The following SAP130 variants were observed in gnomAD, a reference collection of about 807,000 sequenced individuals.
SAP130 encodes Sin3A associated protein 130, also known as histone deacetylase complex subunit SAP130.
SAP130 carries 16 observed loss-of-function variants against 103.2 expected under a neutral mutation model. The ratio of observed to expected loss-of-function variants is 0.16; its 90% CI spans 0.10 to 0.24. The LOEUF (loss-of-function observed/expected upper bound fraction) is 0.24. Among genes scored for constraint, SAP130 ranks in the 10% least tolerant of loss-of-function variants. The probability of loss-of-function intolerance (pLI) is 1.00; values close to 1 mark genes in which losing one functional copy is unlikely to be tolerated. For missense variants in SAP130, 990 were observed against 1,359.7 expected, an observed-to-expected ratio of 0.73 and a Z score of 4.28; for synonymous variants, 477 against 497.0, an observed-to-expected ratio of 0.96 and a Z score of 0.53.
intron 4 of SAP130, among the ~76,000 whole-genome samples, 165 bp from the exon 5 acceptor site, chr2:128,015,079 C>T (rs548117074): frequency 1.9e-4 from 29 of 152,096 alleles, no homozygotes; most frequent in Non-Finnish European, 4.0e-4. Flanking sequence ...CATGCCATAC[C>T]GTACAATGAA....
chr2:127,971,773 T>G (rs1284979603), intron 15 of SAP130, among the ~76,000 whole-genome samples: 1 of 152,134 alleles, frequency 6.6e-6, no homozygotes, highest in Non-Finnish European at 1.5e-5. Flanking sequence ...TTCATAGAGG[T>G]GGTTATTTTG....
Position 128,010,272 on chromosome 2 carries a change from A to G in SAP130, c.866T>C (p.Leu289Pro), listed in dbSNP as rs1684291688. 3.1e-6 allele frequency: 5 copies of G among 1,613,760 alleles called. No individual in the cohort carries two copies. The East Asian group carries it at 8.9e-5, about 29-fold the overall frequency. The stretch of plus-strand genomic sequence containing the variant: ...ACTTCATACTCCCCATGTATACCTA[A>G]GTGCTGAATCAGTAGCATGCGCCGC... ...TTAAHATDSA[L>P]SRPTLSIQHP... The change falls in exon 7 of 21, where the codon CTT becomes CCT. Residue 289 changes from leucine (L) to proline (P), a missense_variant. Physicochemically the swap from Leu to Pro is moderately conservative, Grantham distance 98. Transcript: ENST00000643581.
At position 127,992,702 on chromosome 2, in the gene SAP130, G is replaced by A. The variant is rs149546112; in HGVS notation, c.1477+485C>T. Reference sequence around the variant, plus strand: ...TTAGCAAAAAGAACACTATTCACACGTCATCATGATGAGAGGAGAGCATAA... The same window carrying A: ...TTAGCAAAAAGAACACTATTCACACATCATCATGATGAGAGGAGAGCATAA... On this transcript the variant is annotated intron_variant, in intron 12 of 20. Transcript: ENST00000643581. Among the ~76,000 whole-genome samples, 1,250 of 152,250 alleles carry A rather than the reference G, an allele frequency of 8.2e-3. 14 individuals carry two copies. The highest frequency in any genetic ancestry group is 0.037 in the Middle Eastern group (11 of 294).
intron 2 of SAP130, among the ~76,000 whole-genome samples, chr2:128,024,197 C>T (rs1025254273): frequency 3.3e-5 from 5 of 152,002 alleles, no homozygotes; most frequent in African/African-American, 9.7e-5. Context: ...ACTAAGTTGG[C>T]GGCCACCCAA....
chr2:128,021,509 A>G (rs1685160285), intron 2 of SAP130, among the ~76,000 whole-genome samples: 1 of 151,794 alleles, frequency 6.6e-6, no homozygotes. Flanking sequence ...TTTCTTTTTC[A>G]CTATATATTG....
At chr2:127,981,534 C>G (rs1216044185) in intron 14 of SAP130, among the ~76,000 whole-genome samples, 3 of 103,288 alleles carry the variant, frequency 2.9e-5, no homozygotes, top group Non-Finnish European at 6.0e-5. Context: ...TCAGTTCCCC[C>G]ACCCCGACTC....
chr2:127,978,124 A>AG, intron 14 of SAP130, 35 bp from the exon 15 acceptor site: 1 of 1,476,248 alleles, frequency 6.8e-7, no homozygotes, highest in Non-Finnish European at 9.3e-7. Context: ...GGAGAACAGC[A>AG]GTCCAAGGGC....
chr2:127,991,025 C>A (rs767913939), intron 12 of SAP130, among the ~76,000 whole-genome samples: 133 of 151,404 alleles, frequency 8.8e-4, no homozygotes, highest in Non-Finnish European at 1.3e-3. Context: ...CCGAGGCAGG[C>A]GATCATTTGA....
In SAP130 at chr2:127,942,662, C is replaced by T; in HGVS notation, c.2902-125G>A. On this transcript the variant is annotated intron_variant, in intron 19 of 20. Coordinates refer to ENST00000643581, the MANE Select transcript of SAP130 (RefSeq NM_001330301.2). The surrounding 1 kb of genome is among the most constrained non-coding windows in gnomAD (Gnocchi z 4.8). ...TAAGAGTTGTTTGGGTGACAACGTC[C>T]TTTCTCCTAAGGACTAAGATACTAA... The T allele has an allele frequency of 1.6e-6, 1 of 642,252 alleles. No individual in the cohort carries two copies. Among genetic ancestry groups the T allele is most frequent in the Non-Finnish European group, 2.8e-6 (1 of 359,894 alleles). 39.8% of individuals were successfully genotyped at this position (642,252 alleles called of 1,614,324 possible). A position where few individuals can be genotyped will look rare whatever the true frequency, so the allele number is the denominator to read the frequency against.
At chr2:128,015,940 C>CA (rs58340147) in intron 4 of SAP130, among the ~76,000 whole-genome samples, 6,311 of 97,404 alleles carry the variant, frequency 0.065, 614 homozygotes, top group African/African-American at 0.21. Context: ...GATTCTGTCT[C>CA]AAAAAAAAAA....
intron 18 of SAP130, among the ~76,000 whole-genome samples, chr2:127,949,648 C>G (rs1344282693): frequency 6.6e-6 from 1 of 152,164 alleles, no homozygotes; most frequent in Admixed American, 6.5e-5. Flanking sequence ...AACCATTAAA[C>G]TGCAATTCCA....
intron 15 of SAP130, among the ~76,000 whole-genome samples, chr2:127,960,993 CT>C (rs772565129): frequency 2.9e-3 from 392 of 137,178 alleles, no homozygotes; most frequent in Non-Finnish European, 3.4e-3. Context: ...TTCTTTCTTT[CT>C]TTTTTTTTTT....
chr2:128,005,650 C>CT (rs774112498), intron 7 of SAP130, among the ~76,000 whole-genome samples: 3,111 of 143,572 alleles, frequency 0.022, 45 homozygotes, highest in Non-Finnish European at 0.022. Context: ...GTTTTTCTTT[C>CT]TTTTTTTTTT....
Position 127,989,927 on chromosome 2 carries a change from AAGAG to A in SAP130, c.1478-65_1478-62del. Reference sequence around the variant, plus strand: ...AGCTTCATTTCACACAGTCCACATAAAGAGAGAAACACTAAAAACGGATTTCCTC... The same window carrying A: ...AGCTTCATTTCACACAGTCCACATAAAGAAACACTAAAAACGGATTTCCTC... On this transcript the variant is annotated intron_variant, in intron 12 of 20. Transcript: ENST00000643581. This position sits in a 1 kb window ranked among gnomAD's most constrained non-coding sequence, Gnocchi z 4.6. The A allele has an allele frequency of 6.7e-7, 1 of 1,486,648 alleles. No homozygotes were observed. Among genetic ancestry groups the A allele is most frequent in the East Asian group, 2.3e-5 (1 of 43,584 alleles). The allele number at this position is 1,486,648 out of a possible 1,614,324, so 92.1% of individuals were successfully genotyped here.
intron 14 of SAP130, among the ~76,000 whole-genome samples, chr2:127,980,841 A>T (rs1337475667): frequency 6.6e-6 from 1 of 151,932 alleles, no homozygotes; most frequent in Non-Finnish European, 1.5e-5. Flanking sequence ...ATGCTGCAGT[A>T]AGCTGTGATC....
rs1305201121 is a variant in SAP130, at chr2:127,996,508, C to A, written c.1214-17G>T. ...CCACCTTGGCTGCAAACAGTAAATG[C>A]CAATTCCATGACCATTCTACACTTT... On this transcript the variant is annotated splice_polypyrimidine_tract_variant and intron_variant, in intron 10 of 20. Transcript: ENST00000643581. This position sits in a 1 kb window ranked among gnomAD's most constrained non-coding sequence, Gnocchi z 4.3. The A allele has an allele frequency of 1.3e-6, 2 of 1,516,764 alleles. No homozygotes were observed. Among genetic ancestry groups the A allele is most frequent in the East Asian group, 2.5e-5 (1 of 39,704 alleles). The allele number at this position is 1,516,764 out of a possible 1,614,324, so 94.0% of individuals were successfully genotyped here. A position where few individuals can be genotyped will look rare whatever the true frequency, so the allele number is the denominator to read the frequency against.
intron 15 of SAP130, among the ~76,000 whole-genome samples, chr2:127,968,067 T>G (rs568058786): frequency 6.6e-6 from 1 of 152,106 alleles, no homozygotes; most frequent in South Asian, 2.1e-4. Context: ...AACACTTCCT[T>G]AAACTTTTGG....
chr2:127,999,639 C>A, intron 10 of SAP130, 102 bp downstream of exon 10: 11 of 536,176 alleles, frequency 2.1e-5, no homozygotes, highest in South Asian at 1.2e-4. Context: ...AAGAGGAAAT[C>A]AACAATGGTA....
chr2:128,026,833 T>G (rs1158622383), intron 1 of SAP130, among the ~76,000 whole-genome samples: 2 of 152,226 alleles, frequency 1.3e-5, no homozygotes, highest in Non-Finnish European at 2.9e-5. Context: ...TTCCTTTTCC[T>G]TCTCTTCCAC....
Sources: allele counts gnomAD v4.1 joint callset (sites outside exome capture counted in the v4.1 genomes callset), GRCh38; gene constraint gnomAD v4.1.1; non-coding constraint Gnocchi (gnomAD v3.1); transcripts MANE v1.5; gene names NCBI Gene and HGNC (gene_info 2026-07-23, HGNC 2026-07-21).